RBM44: variants seen among roughly 807,000 people sequenced by gnomAD.
RBM44 encodes the protein RNA binding motif protein 44.
In RBM44, 66 loss-of-function variants were observed where a neutral mutation model predicts 105.1. The observed-to-expected ratio is 0.63, with a 90% CI of 0.52 to 0.77. The LOEUF is 0.77. RBM44 is among the 30% of genes least tolerant of loss of function. The probability of loss-of-function intolerance (pLI) is 0.00; values close to 1 mark genes in which losing one functional copy is unlikely to be tolerated. For missense variants in RBM44, 1,122 were observed against 1,207.8 expected (o/e 0.93, Z 1.05); for synonymous variants, 365 against 417.6 (o/e 0.87, Z 1.54).
rs1364695478 is a variant in RBM44, at chr2:237,821,343, C to T, written c.2098-3C>T. 6.4e-6 allele frequency: 10 copies of T among 1,562,822 alleles called. No individual in the cohort carries two copies. In the East Asian group the frequency reaches 9.2e-5, roughly 14 times the overall value. Reference sequence around the variant, plus strand: ...GATTTTTTTTCCTTTTCTCTCCTTCCAGCTAATGAAAAAAGAAACACATGT... The same window carrying T: ...GATTTTTTTTCCTTTTCTCTCCTTCTAGCTAATGAAAAAAGAAACACATGT... On this transcript the variant is annotated splice_region_variant and splice_polypyrimidine_tract_variant and intron_variant, in intron 6 of 15. Transcript: ENST00000316997.
At chr2:237,819,930 TTTTGG>T (rs1370883176) in intron 4 of RBM44, among the ~76,000 whole-genome samples, 5 of 151,916 alleles carry the variant, frequency 3.3e-5, no homozygotes, top group African/African-American at 4.8e-5. Flanking sequence ...ATACTTCCTT[TTTTGG>T]TAAAAGAAAG....
In RBM44 at chr2:237,842,790, A is replaced by G. The variant is rs1237598175; in HGVS notation, c.*974A>G. ...TATTTGTTGTATTTATATTTAATAA[A>G]GGCATCTAATCTTTAGTACCACTGT... On this transcript the variant is annotated 3_prime_UTR_variant, in exon 16 of 16. Transcript: ENST00000316997. 6.6e-6 allele frequency: 1 copy of G among 152,076 alleles called. No homozygotes were observed. The highest frequency in any genetic ancestry group is 1.5e-5 in the Non-Finnish European group (1 of 67,976). The allele number at this position is 152,076 out of a possible 1,614,324, so 9.4% of individuals were successfully genotyped here.
Position 237,842,273 on chromosome 2 carries a change from T to C in RBM44, c.*457T>C, listed in dbSNP as rs980911541. On this transcript the variant is annotated 3_prime_UTR_variant, in exon 16 of 16. Transcript: ENST00000316997. ...TGAACTTTGTCTTAAGACTCTTACA[T>C]TGGATTATAGGATAACAGATAAATA... 2 of 152,138 alleles carry C rather than the reference T, an allele frequency of 1.3e-5. No homozygotes were observed. Among genetic ancestry groups the C allele is most frequent in the African/African-American group, 2.4e-5 (1 of 41,444 alleles). The allele number at this position is 152,138 out of a possible 1,614,324, so 9.4% of individuals were successfully genotyped here.
chr2:237,801,754 T>G (rs2061548560), intron 1 of RBM44, among the ~76,000 whole-genome samples: 1 of 152,206 alleles, frequency 6.6e-6, no homozygotes, highest in Non-Finnish European at 1.5e-5. Context: ...CTTCTCTGCT[T>G]CTTCTTAGCC....
At position 237,813,698 on chromosome 2, in the gene RBM44, A is replaced by C. The variant is rs1396914344; in HGVS notation, c.73+16A>C. The C allele has an allele frequency of 5.3e-6, 8 of 1,515,318 alleles. No homozygotes were observed. The highest frequency in any genetic ancestry group is 7.3e-6 in the Non-Finnish European group (8 of 1,090,710). The allele number at this position is 1,515,318 out of a possible 1,614,324, so 93.9% of individuals were successfully genotyped here. A position where few individuals can be genotyped will look rare whatever the true frequency, so the allele number is the denominator to read the frequency against. ...CTCCAAAAAGGTAAGGGTCTAGTCC[A>C]CTTACCCTTATTCTTGGTGGGGAAG... On this transcript the variant is annotated intron_variant, in intron 2 of 15. Coordinates refer to ENST00000316997, the MANE Select transcript of RBM44 (RefSeq NM_001080504.3).
intron 13 of RBM44, among the ~76,000 whole-genome samples, chr2:237,831,117 A>C (rs1432883136): frequency 2.0e-5 from 3 of 151,670 alleles, no homozygotes; most frequent in South Asian, 4.2e-4. Flanking sequence ...TACTATTAGC[A>C]ACTCCGCTTC....
At chr2:237,816,895 C>T (rs2061723631) in intron 2 of RBM44, 98 bp from the exon 3 acceptor site, 1 of 690,302 alleles carries the variant, frequency 1.4e-6, no homozygotes. Context: ...ATTGTAATCC[C>T]GCATTGGGAA....
At chr2:237,801,778 C>G (rs2061548878) in intron 1 of RBM44, among the ~76,000 whole-genome samples, 1 of 152,192 alleles carries the variant, frequency 6.6e-6, no homozygotes, top group Non-Finnish European at 1.5e-5. Flanking sequence ...CTAGCCCCTA[C>G]TTGACCATCA....
intron 1 of RBM44, among the ~76,000 whole-genome samples, chr2:237,809,493 T>C (rs1204704061): frequency 6.6e-6 from 1 of 152,208 alleles, no homozygotes; most frequent in Non-Finnish European, 1.5e-5. Flanking sequence ...TCTTTCAATA[T>C]TCCATGTCTG....
At chr2:237,807,153 GA>G (rs879311066) in intron 1 of RBM44, among the ~76,000 whole-genome samples, 12 of 149,678 alleles carry the variant, frequency 8.0e-5, no homozygotes, top group Admixed American at 3.3e-4. Context: ...AACACCTAGG[GA>G]AAAAAAAAAT....
intron 1 of RBM44, among the ~76,000 whole-genome samples, chr2:237,805,205 T>C (rs2061586764): frequency 6.6e-6 from 1 of 152,074 alleles, no homozygotes; most frequent in African/African-American, 2.4e-5. Flanking sequence ...ATGACAAGGC[T>C]GAGAATGAAA....
At chr2:237,825,554 T>C (rs1257386371) in intron 10 of RBM44, among the ~76,000 whole-genome samples, 1 of 152,192 alleles carries the variant, frequency 6.6e-6, no homozygotes, top group East Asian at 1.9e-4. Flanking sequence ...ATTAGTTTTC[T>C]TCATGTCACG....
rs2062023068 is a variant in RBM44, at chr2:237,842,647, T to C, written c.*831T>C. ...AAAGTAATATAATATTTAAGTTGCA[T>C]TTTTATTAATAGTAAGATTAACATT... On this transcript the variant is annotated 3_prime_UTR_variant, in exon 16 of 16. Transcript: ENST00000316997. 6.6e-6 allele frequency: 1 copy of C among 152,120 alleles called. No homozygotes were observed. Among genetic ancestry groups the C allele is most frequent in the African/African-American group, 2.4e-5 (1 of 41,456 alleles). 9.4% of individuals were successfully genotyped at this position (152,120 alleles called of 1,614,324 possible). A position where few individuals can be genotyped will look rare whatever the true frequency, so the allele number is the denominator to read the frequency against.
Position 237,821,091 on chromosome 2 carries a change from C to A in RBM44, c.1934C>A (p.Ala645Asp). 1 of 1,583,858 alleles carries A rather than the reference C, an allele frequency of 6.3e-7. No homozygotes were observed. The highest frequency in any genetic ancestry group is 8.5e-7 in the Non-Finnish European group (1 of 1,172,262). Reference sequence around the variant, plus strand: ...AACAGGAATTTATCAAGTAATTCTGCTAAGAAGGAATTGGGATCAGCACTA... The same window carrying A: ...AACAGGAATTTATCAAGTAATTCTGATAAGAAGGAATTGGGATCAGCACTA... ...GLNMNLSSNS[A>D]KKELGSALLS... The change falls in exon 6 of 16, where the codon GCT (alanine) becomes GAT (aspartate). Residue 645 changes from alanine to aspartate, a missense_variant. By Grantham distance (126) the Ala-to-Asp change is moderately radical. Transcript: ENST00000316997.
intron 12 of RBM44, among the ~76,000 whole-genome samples, chr2:237,828,733 C>G (rs2150986277): frequency 6.6e-6 from 1 of 152,170 alleles, no homozygotes; most frequent in East Asian, 1.9e-4. Context: ...TTTTCCAACT[C>G]TTTGTTTTTG....
At chr2:237,834,700 C>T (rs530501729) in intron 15 of RBM44, 1 of 179,224 alleles carries the variant, frequency 5.6e-6, no homozygotes, top group South Asian at 1.4e-4. Flanking sequence ...CAGGGTTTTT[C>T]ATGTTGCAGT....
chr2:237,809,381 C>G (rs1057410138), intron 1 of RBM44, among the ~76,000 whole-genome samples: 8 of 152,106 alleles, frequency 5.3e-5, no homozygotes, highest in African/African-American at 1.7e-4. Context: ...CCCCGACTGT[C>G]TCCTTTCTTT....
intron 9 of RBM44, among the ~76,000 whole-genome samples, chr2:237,823,909 A>G (rs1462959003): frequency 6.6e-6 from 1 of 152,200 alleles, no homozygotes; most frequent in Non-Finnish European, 1.5e-5. Context: ...GTAATGAAAT[A>G]AAGGGCTGCA....
In RBM44 at chr2:237,820,208, TTTGCC is replaced by T; in HGVS notation, c.1771_1775del (p.Leu591IlefsTer32). ...AACTTTTTAAAGATACAGAGAAGGA[TTTGCC>T]ATCAATGTGCTGTCAGAAGATAATG... On this transcript the variant is annotated frameshift_variant, in exon 5 of 16. Coordinates refer to ENST00000316997, the MANE Select transcript of RBM44 (RefSeq NM_001080504.3). LOFTEE classifies it high-confidence loss of function. 1 of 1,564,698 alleles carries T rather than the reference TTTGCC, an allele frequency of 6.4e-7. No individual in the cohort carries two copies. Among genetic ancestry groups the T allele is most frequent in the Non-Finnish European group, 8.7e-7 (1 of 1,155,210 alleles).
Sources: allele counts gnomAD v4.1 joint callset (sites outside exome capture counted in the v4.1 genomes callset), GRCh38; gene constraint gnomAD v4.1.1; transcripts MANE v1.5; gene names NCBI Gene and HGNC (gene_info 2026-07-23, HGNC 2026-07-21).